Variants in MCTP1 observed in about 807,000 individuals in gnomAD.
MCTP1 encodes the protein multiple C2 and transmembrane domain-containing protein 1.
Under a neutral mutation model 120.6 loss-of-function variants are expected in MCTP1, and 69 were observed. The observed-to-expected ratio is 0.57, with a 90% CI of 0.47 to 0.70. The LOEUF is 0.70. Ranked by LOEUF, MCTP1 falls within the 30% of genes least tolerant of loss-of-function variation. MCTP1 has a pLI of 0.00. For missense variants in MCTP1, 1,203 were observed against 1,248.8 expected (o/e 0.96, Z 0.55); for synonymous variants, 529 against 493.1 (o/e 1.07, Z -0.96).
At chr5:94,950,244 A>G (rs943536067) in intron 3 of MCTP1, among the ~76,000 whole-genome samples, 9 of 152,182 alleles carry the variant, frequency 5.9e-5, no homozygotes, top group Non-Finnish European at 7.4e-5. Flanking sequence ...TCTTTCTCAT[A>G]TAGAAATGTA....
rs78965857 is a variant in MCTP1 at position 95,019,359 on chromosome 5, T to C, written c.721-1875A>G. ...CATAGTCACCACGCTGTGTATTGGA[T>C]CCCCTGAACTTACTCATCTTACAGC... On this transcript the variant is annotated intron_variant, in intron 1 of 22. Transcript: ENST00000515393. 1.5e-3 allele frequency among the ~76,000 whole-genome samples: 231 copies of C among 152,120 alleles called. 2 individuals are homozygous for C. In the East Asian group the frequency reaches 0.037, roughly 25 times the overall value.
intron 1 of MCTP1, among the ~76,000 whole-genome samples, chr5:95,079,470 A>T (rs1350047026): frequency 2.0e-5 from 3 of 152,180 alleles, no homozygotes; most frequent in Non-Finnish European, 4.4e-5. Context: ...ACCACATGCT[A>T]TCTCACTGCA....
chr5:94,870,697 C>T (rs759231794), intron 15 of MCTP1, among the ~76,000 whole-genome samples, 175 bp downstream of exon 15: 4 of 152,032 alleles, frequency 2.6e-5, no homozygotes, highest in Admixed American at 6.6e-5. Context: ...CAGCAGCATT[C>T]GCCAACTATA....
chr5:94,822,102 G>T (rs1244047650), intron 17 of MCTP1, among the ~76,000 whole-genome samples: 2 of 152,054 alleles, frequency 1.3e-5, no homozygotes, highest in Non-Finnish European at 2.9e-5. Context: ...GGATACATGT[G>T]CAGAACATGC....
At chr5:95,240,588 C>T (rs1445069040) in intron 1 of MCTP1, among the ~76,000 whole-genome samples, 1 of 152,174 alleles carries the variant, frequency 6.6e-6, no homozygotes, top group Admixed American at 6.5e-5. Context: ...AGATGCTTTA[C>T]CTTATTTGTC....
intron 17 of MCTP1, among the ~76,000 whole-genome samples, chr5:94,827,652 C>A: frequency 6.6e-6 from 1 of 151,946 alleles, no homozygotes; most frequent in Non-Finnish European, 1.5e-5. Flanking sequence ...TTCTTGGAGG[C>A]TTTGTTCATT....
chr5:95,237,135 T>G (rs1439623565), intron 1 of MCTP1, among the ~76,000 whole-genome samples: 1 of 152,150 alleles, frequency 6.6e-6, no homozygotes, highest in Non-Finnish European at 1.5e-5. Context: ...ACATCCTCTC[T>G]GGATTGGCAA....
chr5:94,884,742 C>T (rs888094817), intron 12 of MCTP1, among the ~76,000 whole-genome samples: 1 of 152,106 alleles, frequency 6.6e-6, no homozygotes, highest in Admixed American at 6.5e-5. Flanking sequence ...TTAAATTTAG[C>T]TCTGCTAATG....
intron 2 of MCTP1, among the ~76,000 whole-genome samples, chr5:94,955,084 G>T (rs1581554736): frequency 1.3e-5 from 2 of 152,184 alleles, no homozygotes; most frequent in African/African-American, 4.8e-5. Flanking sequence ...CAGTGGGACT[G>T]GTTGGACAGT....
Position 94,781,280 on chromosome 5 carries a change from C to T in MCTP1, c.2557-2117G>A, listed in dbSNP as rs141314261. 5.2e-3 allele frequency among the ~76,000 whole-genome samples: 790 copies of T among 152,208 alleles called. 7 individuals are homozygous for T. Among genetic ancestry groups the T allele is most frequent in the African/African-American group, 0.018 (751 of 41,542 alleles). On this transcript the variant is annotated intron_variant, in intron 18 of 22. Transcript: ENST00000515393. ...GAATGTATAATATGCCTCCTCTCTG[C>T]AGTACTTACTATCATATTTCAGGTG...
At chr5:95,176,166 AT>A (rs78478001) in intron 1 of MCTP1, among the ~76,000 whole-genome samples, 36 of 151,638 alleles carry the variant, frequency 2.4e-4, no homozygotes, top group East Asian at 7.7e-4. Context: ...GATAAAATGT[AT>A]TTTTTTTTAA....
intron 1 of MCTP1, among the ~76,000 whole-genome samples, chr5:95,149,203 C>T (rs1760676101): frequency 6.6e-6 from 1 of 152,172 alleles, no homozygotes; most frequent in South Asian, 2.1e-4. Context: ...AGGACTCCCT[C>T]AGGCAGAGGC....
chr5:94,921,282 AC>A (rs1303499173), intron 7 of MCTP1, among the ~76,000 whole-genome samples: 2 of 152,216 alleles, frequency 1.3e-5, no homozygotes, highest in African/African-American at 4.8e-5. Flanking sequence ...TTGATGAATA[AC>A]AAATGTTATG....
At chr5:95,260,371 T>C (rs1758362349) in intron 1 of MCTP1, among the ~76,000 whole-genome samples, 1 of 152,166 alleles carries the variant, frequency 6.6e-6, no homozygotes, top group African/African-American at 2.4e-5. Context: ...CAAGTTGACC[T>C]TTTTGTGTTC....
intron 19 of MCTP1, among the ~76,000 whole-genome samples, chr5:94,765,580 A>G (rs1772418426): frequency 6.6e-6 from 1 of 152,072 alleles, no homozygotes; most frequent in South Asian, 2.1e-4. Context: ...ATGTGCCTGT[A>G]ATCCCAGCTA....
chr5:94,988,891 A>AGCCCCTTC (rs1830949661), intron 2 of MCTP1, among the ~76,000 whole-genome samples: 1 of 152,054 alleles, frequency 6.6e-6, no homozygotes, highest in Non-Finnish European at 1.5e-5. Context: ...CAGAGGGGGA[A>AGCCCCTTC]GCCCCTTCTA....
chr5:94,798,990 C>A (rs765014421), intron 18 of MCTP1, 23 bp downstream of exon 18: 1 of 1,598,586 alleles, frequency 6.3e-7, no homozygotes, highest in South Asian at 1.1e-5. Flanking sequence ...AAAACACATA[C>A]AAGTAAGAGA....
intron 1 of MCTP1, among the ~76,000 whole-genome samples, chr5:95,231,347 T>C (rs1417186848): frequency 6.6e-6 from 1 of 152,082 alleles, no homozygotes; most frequent in Non-Finnish European, 1.5e-5. Flanking sequence ...GATATATATA[T>C]ATATACACAT....
At chr5:94,982,482 C>T (rs1442657542) in intron 2 of MCTP1, among the ~76,000 whole-genome samples, 1 of 152,002 alleles carries the variant, frequency 6.6e-6, no homozygotes, top group Non-Finnish European at 1.5e-5. Flanking sequence ...AAATGTACCC[C>T]CAAGATTTCT....
Sources: allele counts gnomAD v4.1 joint callset (sites outside exome capture counted in the v4.1 genomes callset), GRCh38; gene constraint gnomAD v4.1.1; transcripts MANE v1.5; gene names NCBI Gene and HGNC (gene_info 2026-07-23, HGNC 2026-07-21).